Variants in ZBBX observed in about 807,000 individuals in gnomAD.
ZBBX encodes the protein zinc finger B-box domain-containing protein 1.
A neutral mutation model predicts 108.5 loss-of-function variants in ZBBX; 101 were observed. The ratio of observed to expected loss-of-function variants is 0.93; its 90% CI spans 0.79 to 1.10. The LOEUF (loss-of-function observed/expected upper bound fraction) is 1.10. Among genes scored for constraint, ZBBX ranks in the 50% least tolerant of loss-of-function variants. The probability of loss-of-function intolerance (pLI) is 0.00; values close to 1 mark genes in which losing one functional copy is unlikely to be tolerated. For synonymous variants in ZBBX, 356 were observed against 323.4 expected (o/e 1.10, Z -1.08); for missense variants, 1,009 against 941.4 (o/e 1.07, Z -0.94).
chr3:167,207,686 T>G, the ZBBX span, among the ~76,000 whole-genome samples: 8 of 152,108 alleles, frequency 5.3e-5, no homozygotes, highest in Non-Finnish European at 8.8e-5. Flanking sequence ...CACACATAAG[T>G]AGGAGCTAAA....
chr3:167,313,099 A>C (rs890560450), intron 16 of ZBBX, among the ~76,000 whole-genome samples: 1 of 152,186 alleles, frequency 6.6e-6, no homozygotes. Context: ...ACAGTGATTT[A>C]AAGGCACAAA....
chr3:167,199,328 T>G, the ZBBX span, among the ~76,000 whole-genome samples: 42 of 152,314 alleles, frequency 2.8e-4, no homozygotes, highest in Middle Eastern at 3.4e-3. Context: ...CCCTATTTTG[T>G]CAAGTATATC....
intron 20 of ZBBX, among the ~76,000 whole-genome samples, chr3:167,275,938 G>C (rs376891479): frequency 0.011 from 1,673 of 152,248 alleles, 42 homozygotes; most frequent in African/African-American, 0.038. Flanking sequence ...ATCTGAGAAC[G>C]GGCAGACTGC....
intron 9 of ZBBX, among the ~76,000 whole-genome samples, chr3:167,334,580 A>T (rs1391018685): frequency 1.3e-5 from 2 of 152,138 alleles, no homozygotes; most frequent in Non-Finnish European, 2.9e-5. Context: ...TCTCGAAAAA[A>T]GAAAAAAGAA....
chr3:167,363,726 C>A (rs1744902189), intron 6 of ZBBX, among the ~76,000 whole-genome samples: 1 of 151,938 alleles, frequency 6.6e-6, no homozygotes, highest in South Asian at 2.1e-4. Flanking sequence ...TCTATTAAAC[C>A]CTTGAAAGGT....
chr3:167,182,386 C>G, the ZBBX span, among the ~76,000 whole-genome samples: 2 of 152,184 alleles, frequency 1.3e-5, no homozygotes, highest in Non-Finnish European at 1.5e-5. Flanking sequence ...CCCGAGCAGC[C>G]AAATCTGCAA....
At chr3:167,216,790 CA>C in the ZBBX span, among the ~76,000 whole-genome samples, 6 of 152,188 alleles carry the variant, frequency 3.9e-5, no homozygotes, top group Non-Finnish European at 7.4e-5. Flanking sequence ...ACCAACGGAA[CA>C]GAATAAAGCA....
intron 19 of ZBBX, among the ~76,000 whole-genome samples, chr3:167,283,761 C>A (rs890885566): frequency 1.3e-5 from 2 of 152,008 alleles, no homozygotes; most frequent in African/African-American, 2.4e-5. Flanking sequence ...TTCTCCTGCC[C>A]CAGGCTCCCA....
chr3:167,236,904 A>T (rs184358497), downstream of ZBBX, among the ~76,000 whole-genome samples: 112 of 151,942 alleles, frequency 7.4e-4, no homozygotes, highest in African/African-American at 2.7e-3. Flanking sequence ...TGAAGAAAAA[A>T]GGGGCAAAAG....
chr3:167,347,829 G>C (rs1212291353), intron 9 of ZBBX, among the ~76,000 whole-genome samples: 7 of 152,004 alleles, frequency 4.6e-5, no homozygotes, highest in Non-Finnish European at 1.0e-4. Context: ...GGTCTCCACA[G>C]ATGGTGTGGA....
At chr3:167,386,015 G>A (rs928106133) in intron 1 of ZBBX, among the ~76,000 whole-genome samples, 2 of 151,984 alleles carry the variant, frequency 1.3e-5, no homozygotes, top group African/African-American at 4.8e-5. Context: ...CCCTTGTAAT[G>A]GTTTATTGAA....
chr3:167,286,726 T>G (rs1415626196), intron 19 of ZBBX, among the ~76,000 whole-genome samples: 2 of 152,136 alleles, frequency 1.3e-5, no homozygotes, highest in African/African-American at 4.8e-5. Flanking sequence ...TAATCAATGT[T>G]TGGATACAGT....
In ZBBX at chr3:167,282,306, T is replaced by C; in HGVS notation, c.2186A>G (p.Asp729Gly). 1.9e-6 allele frequency: 3 copies of C among 1,614,048 alleles called. No individual in the cohort carries two copies. The highest frequency in any genetic ancestry group is 4.5e-5 in the East Asian group (2 of 44,872). Residue 729 changes from aspartate (D) to glycine (G), a missense_variant, in exon 20 of 22, where the codon GAT becomes GGT. Transcript: ENST00000675490. ...DITDQNELSL[D>G]DTTDQHTLDN... Reference sequence around the variant, plus strand: ...TAAAGTATGTTGATCAGTAGTGTCATCTAAGGAAAGCTCATTCTGGTCAGT... The same window carrying C: ...TAAAGTATGTTGATCAGTAGTGTCACCTAAGGAAAGCTCATTCTGGTCAGT...
At chr3:167,360,836 A>T in intron 6 of ZBBX, 113 bp from the exon 7 acceptor site, 1 of 463,896 alleles carries the variant, frequency 2.2e-6, no homozygotes, top group Non-Finnish European at 3.6e-6. Context: ...ACAAAAATTT[A>T]TTTTTAAAGA....
chr3:167,226,297 C>A, the ZBBX span, among the ~76,000 whole-genome samples: 1 of 151,696 alleles, frequency 6.6e-6, no homozygotes, highest in Non-Finnish European at 1.5e-5. Context: ...TCTTTTGTAA[C>A]CCCCACATAA....
At chr3:167,239,391 G>A (rs558950439), downstream of ZBBX, among the ~76,000 whole-genome samples, 4 of 152,016 alleles carry the variant, frequency 2.6e-5, no homozygotes, top group South Asian at 8.3e-4. Context: ...ACTTATACAT[G>A]GATTTTCTTC....
In ZBBX at chr3:167,402,923, A is replaced by G. The variant is rs544424311; in HGVS notation, c.-446+4803T>C. Among the ~76,000 whole-genome samples, 156 of 152,292 alleles carry G rather than the reference A, an allele frequency of 1.0e-3. 2 individuals carry two copies. The South Asian group carries it at 0.031, about 31-fold the overall frequency. ...ATAAACAAACTGTTAAATACATAACAAACTGTTAAAGACATAACAAACTGT... is the reference window on the plus strand; with the variant it reads ...ATAAACAAACTGTTAAATACATAACGAACTGTTAAAGACATAACAAACTGT... On this transcript the variant is annotated intron_variant, in intron 1 of 21. Transcript: ENST00000455345.
intron 10 of ZBBX, 77 bp downstream of exon 10, chr3:167,333,750 C>A: frequency 8.0e-7 from 1 of 1,254,156 alleles, no homozygotes; most frequent in South Asian, 2.1e-5. Flanking sequence ...AATTCTATAG[C>A]TCAAGTTAAG....
chr3:167,329,072 T>C (rs1347467199), intron 10 of ZBBX, among the ~76,000 whole-genome samples: 2 of 152,192 alleles, frequency 1.3e-5, no homozygotes, highest in Non-Finnish European at 2.9e-5. Context: ...AAGAAGTTCA[T>C]CGATGCATGT....
Sources: gnomAD v4.1 joint callset for allele counts (sites outside exome capture counted in the v4.1 genomes callset) on GRCh38, gnomAD v4.1.1 for gene constraint, MANE v1.5 for transcripts, NCBI Gene and HGNC (gene_info 2026-07-23, HGNC 2026-07-21) for gene names.